ATF6: variants seen among roughly 807,000 people sequenced by gnomAD.
ATF6 encodes activating transcription factor 6.
A neutral mutation model predicts 83.6 loss-of-function variants in ATF6; 53 were observed. That is an observed-to-expected ratio of 0.63 (90% CI 0.51 to 0.80). The LOEUF is 0.80. Among genes scored for constraint, ATF6 ranks in the 30% least tolerant of loss-of-function variants. The pLI, the probability that ATF6 is intolerant of heterozygous loss-of-function variation, is 0.00. For missense variants in ATF6, 744 were observed against 797.9 expected (o/e 0.93, Z 0.81); for synonymous variants, 288 against 285.8 (o/e 1.01, Z -0.08).
intron 7 of ATF6, among the ~76,000 whole-genome samples, chr1:161,817,911 C>T (rs1296963855): frequency 6.6e-6 from 1 of 151,936 alleles, no homozygotes; most frequent in Non-Finnish European, 1.5e-5. Flanking sequence ...TCCTGGCTAA[C>T]ACGGTGAAAC....
chr1:161,944,008 T>A (rs1253689394), intron 15 of ATF6, among the ~76,000 whole-genome samples: 1 of 152,138 alleles, frequency 6.6e-6, no homozygotes, highest in Non-Finnish European at 1.5e-5. Context: ...AGGCACTCAA[T>A]AAATATTTGA....
In ATF6 at chr1:161,816,500, G is replaced by A. The variant is rs115957375; in HGVS notation, c.910-3133G>A. On this transcript the variant is annotated intron_variant, in intron 7 of 15. Coordinates refer to ENST00000367942, the MANE Select transcript of ATF6 (RefSeq NM_007348.4). ...ATTTGGTATTTAAAAGCAGTTTGAA[G>A]CTGTTGTGTAAGTATCACTGGACTT... is the stretch of plus-strand genomic sequence containing the variant. 3.0e-3 allele frequency among the ~76,000 whole-genome samples: 455 copies of A among 152,316 alleles called. 4 individuals carry two copies. Among genetic ancestry groups the A allele is most frequent in the African/African-American group, 0.011 (444 of 41,564 alleles).
intron 10 of ATF6, among the ~76,000 whole-genome samples, chr1:161,851,137 A>AACAC (rs778383452): frequency 1.3e-5 from 1 of 77,698 alleles, no homozygotes; most frequent in Non-Finnish European, 2.9e-5. Context: ...CCCTATCCTT[A>AACAC]ACATACACAC....
At position 161,791,553 on chromosome 1, in the gene ATF6, C is replaced by T; in HGVS notation, c.484+16C>T. On this transcript the variant is annotated intron_variant, in intron 5 of 15. Transcript: ENST00000367942. ...AACAAGACTGGTATTACTCTATCTCCTAACTTCTGTTATTTCTATTTCAGA... is the reference window on the plus strand; with the variant it reads ...AACAAGACTGGTATTACTCTATCTCTTAACTTCTGTTATTTCTATTTCAGA... 1.9e-6 allele frequency: 3 copies of T among 1,580,276 alleles called. No individual in the cohort carries two copies. Among genetic ancestry groups the T allele is most frequent in the Middle Eastern group, 3.4e-4 (2 of 5,902 alleles).
chr1:161,832,635 C>T (rs12032366), intron 9 of ATF6, among the ~76,000 whole-genome samples: 21,565 of 152,248 alleles, frequency 0.14, 2,091 homozygotes, highest in East Asian at 0.31. Context: ...GAGGGTCCTA[C>T]ACCCACAGAG....
intron 2 of ATF6, among the ~76,000 whole-genome samples, chr1:161,781,533 G>A (rs1473946833): frequency 6.6e-6 from 1 of 152,152 alleles, no homozygotes; most frequent in Non-Finnish European, 1.5e-5. Flanking sequence ...ATTATATTAT[G>A]AATAGCATTT....
At chr1:161,816,019 A>G (rs1388423962) in intron 7 of ATF6, among the ~76,000 whole-genome samples, 1 of 152,246 alleles carries the variant, frequency 6.6e-6, no homozygotes, top group Non-Finnish European at 1.5e-5. Flanking sequence ...TCAACCTTCA[A>G]AGGAACTTGT....
rs768906883 is a variant in ATF6, at chr1:161,960,575, G to A, written c.*1921G>A. 1.3e-5 allele frequency: 2 copies of A among 152,208 alleles called. No homozygotes were observed. Among genetic ancestry groups the A allele is most frequent in the African/African-American group, 2.4e-5 (1 of 41,450 alleles). 9.4% of individuals were successfully genotyped at this position (152,208 alleles called of 1,614,324 possible). A position where few individuals can be genotyped will look rare whatever the true frequency, so the allele number is the denominator to read the frequency against. On this transcript the variant is annotated 3_prime_UTR_variant, in exon 16 of 16. Coordinates refer to ENST00000367942, the MANE Select transcript of ATF6 (RefSeq NM_007348.4). The stretch of plus-strand genomic sequence containing the variant: ...AATCAGTTCAACTTTTGTGAGCGGG[G>A]AAAAGCAGGGCTTTATTGTTGTGTT...
chr1:161,772,479 T>C (rs1467117329), intron 1 of ATF6, among the ~76,000 whole-genome samples: 1 of 152,218 alleles, frequency 6.6e-6, no homozygotes, highest in Admixed American at 6.5e-5. Flanking sequence ...AGAAGAGAAC[T>C]TCTACAGTCT....
rs370899060 is a variant in ATF6 at position 161,948,676 on chromosome 1, A to G, written c.1805-9770A>G. ...ATTCACGATCTCAGATTCTCAACAT[A>G]TATTTGGCCTTACCTATTGTTAATG... On this transcript the variant is annotated intron_variant, in intron 15 of 15. Coordinates refer to ENST00000367942, the MANE Select transcript of ATF6 (RefSeq NM_007348.4). 3.3e-5 allele frequency among the ~76,000 whole-genome samples: 5 copies of G among 152,334 alleles called. No homozygotes were observed. The South Asian group carries it at 6.2e-4, about 19-fold the overall frequency.
At chr1:161,883,689 AAC>A (rs1240346717) in intron 14 of ATF6, among the ~76,000 whole-genome samples, 1 of 152,040 alleles carries the variant, frequency 6.6e-6, no homozygotes, top group Non-Finnish European at 1.5e-5. Context: ...GAAGCATTAA[AAC>A]ACACACATAT....
intron 7 of ATF6, among the ~76,000 whole-genome samples, chr1:161,812,951 A>G (rs1405342547): frequency 1.3e-5 from 2 of 152,110 alleles, no homozygotes; most frequent in Non-Finnish European, 2.9e-5. Flanking sequence ...AGCCTAGCTC[A>G]ATTATAACTG....
At chr1:161,861,009 A>G (rs1018679263) in intron 13 of ATF6, among the ~76,000 whole-genome samples, 2 of 152,202 alleles carry the variant, frequency 1.3e-5, no homozygotes, top group Non-Finnish European at 2.9e-5. Flanking sequence ...GGGCTCAAGC[A>G]GATTACATGC....
intron 7 of ATF6, among the ~76,000 whole-genome samples, chr1:161,809,107 C>T (rs1394658498): frequency 1.3e-5 from 2 of 152,160 alleles, no homozygotes; most frequent in Non-Finnish European, 2.9e-5. Flanking sequence ...AGGTTTGTTA[C>T]ATATGTATAT....
intron 15 of ATF6, among the ~76,000 whole-genome samples, chr1:161,935,487 G>A (rs910013585): frequency 2.0e-5 from 3 of 152,190 alleles, no homozygotes; most frequent in African/African-American, 7.2e-5. Flanking sequence ...CTTTGATCTA[G>A]TTCTTCTCAG....
chr1:161,923,037 C>G (rs1446535496), intron 15 of ATF6, among the ~76,000 whole-genome samples: 1 of 152,186 alleles, frequency 6.6e-6, no homozygotes, highest in Non-Finnish European at 1.5e-5. Flanking sequence ...ACCCATCCTT[C>G]AAAATCCAGC....
intron 14 of ATF6, among the ~76,000 whole-genome samples, chr1:161,898,168 T>C (rs1687713319): frequency 6.6e-6 from 1 of 152,204 alleles, no homozygotes. Flanking sequence ...ACAGTGCAAC[T>C]TGGTCTTGGA....
chr1:161,876,580 A>G (rs1389739549), intron 14 of ATF6, among the ~76,000 whole-genome samples: 2 of 151,980 alleles, frequency 1.3e-5, no homozygotes, highest in South Asian at 2.1e-4. Context: ...TTTGAACTCT[A>G]CATGATTGGT....
intron 9 of ATF6, chr1:161,840,387 C>T (rs1023477459): frequency 1.3e-5 from 2 of 152,164 alleles, no homozygotes; most frequent in Non-Finnish European, 2.9e-5. Context: ...GTGTGTGGCT[C>T]TCCAAGCCAC....
Sources: allele counts gnomAD v4.1 joint callset (sites outside exome capture counted in the v4.1 genomes callset), GRCh38; gene constraint gnomAD v4.1.1; transcripts MANE v1.5; gene names NCBI Gene and HGNC (gene_info 2026-07-23, HGNC 2026-07-21).